PCDH9: variants seen among roughly 807,000 people sequenced by gnomAD.
The protein encoded by PCDH9 is protocadherin-9.
PCDH9 carries 24 observed loss-of-function variants against 70.6 expected under a neutral mutation model. The observed-to-expected ratio is 0.34, with a 90% confidence interval of 0.25 to 0.48. The LOEUF is 0.48. Ranked by LOEUF, PCDH9 falls within the 20% of genes least tolerant of loss-of-function variation. The pLI, the probability that PCDH9 is intolerant of heterozygous loss-of-function variation, is 0.99. For missense variants in PCDH9, 1,281 were observed against 1,503.6 expected, an observed-to-expected ratio of 0.85 and a Z score of 2.45; for synonymous variants, 562 against 558.5, an observed-to-expected ratio of 1.01 and a Z score of -0.09.
chr13:66,851,575 TCACA>T (rs59674873), intron 3 of PCDH9, among the ~76,000 whole-genome samples: 6,007 of 146,644 alleles, frequency 0.041, 311 homozygotes, highest in African/African-American at 0.12. Context: ...CGCATCACCC[TCACA>T]CACACACACA....
chr13:66,407,236 C>T (rs1957295089), intron 4 of PCDH9, among the ~76,000 whole-genome samples: 1 of 152,186 alleles, frequency 6.6e-6, no homozygotes, highest in Non-Finnish European at 1.5e-5. Context: ...TAAATATGCT[C>T]AAGCGTAAAT....
chr13:66,610,418 C>T (rs1269587033), intron 4 of PCDH9, among the ~76,000 whole-genome samples: 1 of 152,234 alleles, frequency 6.6e-6, no homozygotes, highest in African/African-American at 2.4e-5. Context: ...TACCTTCATA[C>T]TTTATACCCT....
chr13:66,355,297 G>A (rs1956362905), intron 4 of PCDH9, among the ~76,000 whole-genome samples: 1 of 152,008 alleles, frequency 6.6e-6, no homozygotes, highest in Non-Finnish European at 1.5e-5. Flanking sequence ...GTGAGTCACA[G>A]ACATGCGCAT....
intron 4 of PCDH9, among the ~76,000 whole-genome samples, chr13:66,425,559 GAAA>G (rs543657712): frequency 0.013 from 1,795 of 137,542 alleles, 33 homozygotes; most frequent in African/African-American, 0.043. Flanking sequence ...TTCAGAAAAC[GAAA>G]AAAAAAAAAA....
chr13:66,403,377 G>C (rs948655580), intron 4 of PCDH9, among the ~76,000 whole-genome samples: 1 of 151,856 alleles, frequency 6.6e-6, no homozygotes. Context: ...GAACTCATGG[G>C]CTCAAGCAAC....
intron 2 of PCDH9, among the ~76,000 whole-genome samples, chr13:67,189,187 TATATAC>T (rs1427974460): frequency 6.8e-6 from 1 of 147,640 alleles, no homozygotes; most frequent in Admixed American, 6.9e-5. Context: ...TATACACACA[TATATAC>T]ATATACATAT....
At chr13:66,747,914 A>G (rs924781705) in intron 3 of PCDH9, among the ~76,000 whole-genome samples, 10 of 152,224 alleles carry the variant, frequency 6.6e-5, no homozygotes, top group African/African-American at 2.4e-4. Flanking sequence ...TGTAGTAATT[A>G]GAAAGAGACC....
chr13:66,627,608 C>T (rs900328383), intron 4 of PCDH9, among the ~76,000 whole-genome samples: 12 of 152,158 alleles, frequency 7.9e-5, no homozygotes, highest in Non-Finnish European at 1.3e-4. Flanking sequence ...TCTCCACTTT[C>T]TCTTTTCTCC....
intron 2 of PCDH9, among the ~76,000 whole-genome samples, chr13:66,956,703 TG>T (rs1175239367): frequency 3.9e-5 from 6 of 152,184 alleles, no homozygotes. Flanking sequence ...TGAGCTGAGA[TG>T]GCACCACTGC....
At chr13:66,401,630 G>A (rs990032781) in intron 4 of PCDH9, among the ~76,000 whole-genome samples, 3 of 151,958 alleles carry the variant, frequency 2.0e-5, no homozygotes, top group Non-Finnish European at 4.4e-5. Context: ...CTCACTAACC[G>A]AGATCCCTTC....
chr13:66,789,434 A>C (rs1043528044), intron 3 of PCDH9, among the ~76,000 whole-genome samples: 1 of 152,148 alleles, frequency 6.6e-6, no homozygotes, highest in Admixed American at 6.6e-5. Flanking sequence ...GACAAACTTA[A>C]AATTTTACCT....
At chr13:67,211,414 A>C (rs1486648174) in intron 2 of PCDH9, 1 of 152,026 alleles carries the variant, frequency 6.6e-6, no homozygotes, top group Admixed American at 6.6e-5. Context: ...ATCTCCTAAA[A>C]TATGTTTGTA....
chr13:67,171,863 G>A (rs1274446952), intron 2 of PCDH9, among the ~76,000 whole-genome samples: 1 of 152,124 alleles, frequency 6.6e-6, no homozygotes, highest in East Asian at 1.9e-4. Context: ...CACACTGTAA[G>A]CCCTCAAAAT....
At chr13:66,649,588 G>A (rs1435076972) in intron 3 of PCDH9, among the ~76,000 whole-genome samples, 1 of 151,896 alleles carries the variant, frequency 6.6e-6, no homozygotes, top group African/African-American at 2.4e-5. Flanking sequence ...GAGAGAAAAG[G>A]ATACTAATGA....
intron 4 of PCDH9, among the ~76,000 whole-genome samples, chr13:66,410,004 C>T (rs1593932307): frequency 6.6e-6 from 1 of 152,134 alleles, no homozygotes; most frequent in Admixed American, 6.6e-5. Flanking sequence ...CTGCCTTTCC[C>T]CTCTCCTGAG....
intron 2 of PCDH9, among the ~76,000 whole-genome samples, chr13:66,932,637 G>C (rs1375977827): frequency 2.3e-5 from 3 of 129,454 alleles, no homozygotes; most frequent in African/African-American, 9.7e-5. Context: ...TTTTTTTCTA[G>C]GCTTAAATGT....
chr13:66,937,171 G>T (rs1400917607), intron 2 of PCDH9, among the ~76,000 whole-genome samples: 3 of 152,096 alleles, frequency 2.0e-5, no homozygotes, highest in Non-Finnish European at 2.9e-5. Flanking sequence ...CATACATTTG[G>T]CTATGGATTT....
chr13:66,363,693 A>G (rs1427852944), intron 4 of PCDH9, among the ~76,000 whole-genome samples: 1 of 152,204 alleles, frequency 6.6e-6, no homozygotes, highest in Non-Finnish European at 1.5e-5. Context: ...CTTTTACTGA[A>G]TTTCATATGA....
intron 3 of PCDH9, among the ~76,000 whole-genome samples, chr13:66,738,870 G>T (rs1405467371): frequency 6.7e-6 from 1 of 150,072 alleles, no homozygotes; most frequent in Non-Finnish European, 1.5e-5. Flanking sequence ...TCTGATTGGT[G>T]TACCTGAAAG....
Sources: gnomAD v4.1 joint callset for allele counts (sites outside exome capture counted in the v4.1 genomes callset) on GRCh38, gnomAD v4.1.1 for gene constraint, MANE v1.5 for transcripts, NCBI Gene and HGNC (gene_info 2026-07-23, HGNC 2026-07-21) for gene names.